HTATIP2: variants seen among roughly 807,000 people sequenced by gnomAD.
The protein encoded by HTATIP2 is protein HTATIP2.
Under a neutral mutation model 24.7 loss-of-function variants are expected in HTATIP2, and 26 were observed. The ratio of observed to expected loss-of-function variants is 1.05; its 90% CI spans 0.77 to 1.46. HTATIP2 has a LOEUF of 1.46. HTATIP2 is among the 40% of genes most tolerant of loss of function. The pLI is 0.00. For synonymous variants in HTATIP2, 99 were observed against 113.2 expected, an observed-to-expected ratio of 0.87 and a Z score of 0.79; for missense variants, 284 against 289.6, an observed-to-expected ratio of 0.98 and a Z score of 0.14.
chr11:20,376,605 A>G lies in HTATIP2; in HGVS notation c.329A>G (p.Asp110Gly). The change falls in exon 3 of 5, where the codon GAT (aspartate) becomes GGT (glycine). Residue 110 changes from aspartate to glycine, a missense_variant. Transcript: ENST00000451739. The part of the protein sequence containing the change: ...GAEGFVRVDR[D>G]YVLKSAELAK... ...GAGGGATTTGTTCGTGTTGACCGAG[A>G]TTATGTGCTGAAGTCTGCAGAGCTG... 6.2e-7 allele frequency: 1 copy of G among 1,613,998 alleles called. No individual in the cohort carries two copies. The highest frequency in any genetic ancestry group is 8.5e-7 in the Non-Finnish European group (1 of 1,179,940).
chr11:20,368,144 G>A (rs553267315), intron 2 of HTATIP2, among the ~76,000 whole-genome samples: 7 of 151,628 alleles, frequency 4.6e-5, no homozygotes, highest in Middle Eastern at 3.4e-3. Context: ...AAATAAAGCC[G>A]AGGCACAGTG....
intron 3 of HTATIP2, among the ~76,000 whole-genome samples, chr11:20,380,626 T>G (rs1343901154): frequency 7.2e-6 from 1 of 139,726 alleles, no homozygotes; most frequent in Non-Finnish European, 1.5e-5. Context: ...GAGCTGAGAT[T>G]GCGCCACTGC....
intron 4 of HTATIP2, among the ~76,000 whole-genome samples, chr11:20,382,510 G>A (rs1161469848): frequency 1.3e-5 from 2 of 152,170 alleles, no homozygotes; most frequent in East Asian, 1.9e-4. Flanking sequence ...TACGTCTACT[G>A]TATTAGTCTG....
intron 2 of HTATIP2, 76 bp downstream of exon 2, chr11:20,367,357 C>T (rs1426558430): frequency 6.2e-7 from 1 of 1,607,268 alleles, no homozygotes; most frequent in African/African-American, 1.3e-5. Flanking sequence ...CACTCTTTTT[C>T]TTTGTGCCTG....
At position 20,363,848 on chromosome 11, in the gene HTATIP2, G is replaced by C. The variant is rs1286968673; in HGVS notation, c.-390G>C. 3 of 1,245,008 alleles carry C rather than the reference G, an allele frequency of 2.4e-6. No individual in the cohort carries two copies. The highest frequency in any genetic ancestry group is 3.0e-6 in the Non-Finnish European group (3 of 991,156). 77.1% of individuals were successfully genotyped at this position (1,245,008 alleles called of 1,614,324 possible). ...TGCGGCGCTGAGCGCGGCGGCGGCG[G>C]CTGCTCTGGCGGCCGCCCTGCTCCT... On this transcript the variant is annotated 5_prime_UTR_variant, in exon 1 of 5. Transcript: ENST00000451739.
chr11:20,363,777 C>CT lies in HTATIP2; in HGVS notation c.-461_-460insT. On this transcript the variant is annotated 5_prime_UTR_variant, in exon 1 of 5. Coordinates refer to ENST00000451739, the MANE Select transcript of HTATIP2 (RefSeq NM_001098522.2). ...AGGCGCTGTCTCCGTCGCCTCCAACCCCCCCGGTCCGACCAGGGAAGGTGG... is the reference window on the plus strand; with the variant it reads ...AGGCGCTGTCTCCGTCGCCTCCAACCTCCCCCGGTCCGACCAGGGAAGGTGG... 8.1e-7 allele frequency: 1 copy of CT among 1,239,954 alleles called. No homozygotes were observed. The highest frequency in any genetic ancestry group is 1.6e-5 in the African/African-American group (1 of 64,456). The allele number at this position is 1,239,954 out of a possible 1,614,324, so 76.8% of individuals were successfully genotyped here.
intron 1 of HTATIP2, among the ~76,000 whole-genome samples, chr11:20,366,228 A>G (rs559815488): frequency 4.0e-5 from 6 of 149,348 alleles, no homozygotes; most frequent in African/African-American, 1.2e-4. Flanking sequence ...CAGCCTCCCG[A>G]GTAGCTGCAA....
At chr11:20,382,892 G>C in intron 4 of HTATIP2, 88 bp from the exon 5 acceptor site, 1 of 895,586 alleles carries the variant, frequency 1.1e-6, no homozygotes. Flanking sequence ...AGGGGATACA[G>C]TTTTGTCCGT....
intron 3 of HTATIP2, among the ~76,000 whole-genome samples, chr11:20,378,373 A>C (rs1199010637): frequency 1.3e-5 from 2 of 152,230 alleles, no homozygotes; most frequent in East Asian, 3.9e-4. Context: ...GTGCGGTCAC[A>C]GCTCACTACA....
intron 3 of HTATIP2, among the ~76,000 whole-genome samples, chr11:20,376,937 T>C (rs573680236): frequency 4.3e-4 from 66 of 152,276 alleles, no homozygotes; most frequent in Non-Finnish European, 8.2e-4. Context: ...ACAAATGGAA[T>C]GAGATATGGC....
chr11:20,379,252 C>T (rs746688065), intron 3 of HTATIP2, among the ~76,000 whole-genome samples: 2 of 152,158 alleles, frequency 1.3e-5, no homozygotes, highest in Non-Finnish European at 2.9e-5. Context: ...GCCAATACAA[C>T]GGAAAGACAC....
intron 4 of HTATIP2, among the ~76,000 whole-genome samples, chr11:20,382,673 C>T (rs1002804243): frequency 6.6e-6 from 1 of 152,138 alleles, no homozygotes; most frequent in African/African-American, 2.4e-5. Flanking sequence ...AGACAGACCA[C>T]CTTCTGGCAG....
intron 2 of HTATIP2, 190 bp downstream of exon 2, chr11:20,367,471 T>G: frequency 6.8e-7 from 1 of 1,465,790 alleles, no homozygotes; most frequent in Non-Finnish European, 9.0e-7. Context: ...TCTTTCAAAG[T>G]AATCCTTGAG....
chr11:20,366,841 A>G lies in HTATIP2; in HGVS notation c.196-333A>G, dbSNP rs115186606. ...GGTCTTCTTTAAGATGCCAAACGCC[A>G]TCTCTTGCCCTCACATCATACCTCA... On this transcript the variant is annotated intron_variant, in intron 1 of 4. Coordinates refer to ENST00000451739, the MANE Select transcript of HTATIP2 (RefSeq NM_001098522.2). Among the ~76,000 whole-genome samples the G allele has an allele frequency of 4.7e-3, 718 of 152,300 alleles. 3 individuals are homozygous for G. Among genetic ancestry groups the G allele is most frequent in the African/African-American group, 0.017 (688 of 41,572 alleles).
chr11:20,369,807 G>A (rs2064751922), intron 2 of HTATIP2, among the ~76,000 whole-genome samples: 1 of 152,178 alleles, frequency 6.6e-6, no homozygotes. Context: ...AGGTAATGGG[G>A]GTTAGGAGTT....
chr11:20,376,430 G>C (rs1264230565), intron 2 of HTATIP2, 150 bp from the exon 3 acceptor site: 3 of 859,296 alleles, frequency 3.5e-6, no homozygotes. Flanking sequence ...CTTTCCCAGG[G>C]TCTAAGCCTG....
chr11:20,364,041 G>A lies in HTATIP2; in HGVS notation c.-197G>A. ...GCACCCTCCAGCTCGGGCCCCTTCC[G>A]ATGGGTCTGCTGGCTCAGGTGCGGG... On this transcript the variant is annotated 5_prime_UTR_variant, in exon 1 of 5. Coordinates refer to ENST00000451739, the MANE Select transcript of HTATIP2 (RefSeq NM_001098522.2). 7.6e-7 allele frequency: 1 copy of A among 1,320,382 alleles called. No homozygotes were observed. The highest frequency in any genetic ancestry group is 9.7e-7 in the Non-Finnish European group (1 of 1,035,388). 81.8% of individuals were successfully genotyped at this position (1,320,382 alleles called of 1,614,324 possible). A position where few individuals can be genotyped will look rare whatever the true frequency, so the allele number is the denominator to read the frequency against.
At chr11:20,382,386 C>A (rs543856464) in intron 4 of HTATIP2, 147 bp downstream of exon 4, 96 of 586,380 alleles carry the variant, frequency 1.6e-4, no homozygotes, top group African/African-American at 1.1e-3. Context: ...GAAGGACACA[C>A]CTTTTTGCTT....
At chr11:20,366,106 T>C (rs1592317327) in intron 1 of HTATIP2, among the ~76,000 whole-genome samples, 1 of 131,172 alleles carries the variant, frequency 7.6e-6, no homozygotes, top group African/African-American at 2.8e-5. Flanking sequence ...TTTCTTTTTT[T>C]TTTTTTTTTT....
Sources: allele counts gnomAD v4.1 joint callset (sites outside exome capture counted in the v4.1 genomes callset), GRCh38; gene constraint gnomAD v4.1.1; transcripts MANE v1.5; gene names NCBI Gene and HGNC (gene_info 2026-07-23, HGNC 2026-07-21).